KCNH5: variants seen among roughly 807,000 people sequenced by gnomAD.
The protein encoded by KCNH5 is voltage-gated delayed rectifier potassium channel KCNH5.
In KCNH5, 46 loss-of-function variants were observed where a neutral mutation model predicts 96.1. That is an observed-to-expected ratio of 0.48 (90% confidence interval 0.38 to 0.61). The LOEUF is 0.61. KCNH5 is among the 20% of genes least tolerant of loss of function. The pLI, the probability that KCNH5 is intolerant of heterozygous loss-of-function variation, is 0.00. For missense variants in KCNH5, 907 were observed against 1,225.8 expected (o/e 0.74, Z 3.88); for synonymous variants, 439 against 449.8 (o/e 0.98, Z 0.30).
intron 10 of KCNH5, among the ~76,000 whole-genome samples, chr14:62,749,197 T>C (rs945701925): frequency 1.3e-5 from 2 of 152,222 alleles, no homozygotes; most frequent in African/African-American, 4.8e-5. Context: ...TTCCAACTTA[T>C]ATTCCAAAGT....
At chr14:62,988,641 G>A (rs926025167) in intron 4 of KCNH5, among the ~76,000 whole-genome samples, 2 of 151,868 alleles carry the variant, frequency 1.3e-5, no homozygotes, top group African/African-American at 4.8e-5. Context: ...AAAAAAGTTA[G>A]GTTTTGGGAA....
chr14:62,812,124 T>A (rs1886884697), intron 8 of KCNH5, among the ~76,000 whole-genome samples: 1 of 152,188 alleles, frequency 6.6e-6, no homozygotes, highest in African/African-American at 2.4e-5. Flanking sequence ...TTCGTGAAGC[T>A]CAACCAGGAA....
intron 10 of KCNH5, among the ~76,000 whole-genome samples, chr14:62,732,926 A>C (rs1311270267): frequency 6.7e-6 from 1 of 150,082 alleles, no homozygotes; most frequent in South Asian, 2.1e-4. Flanking sequence ...CCTCTCTTCT[A>C]TTCTCTCTCA....
chr14:62,909,495 T>C (rs1889108370), intron 7 of KCNH5, among the ~76,000 whole-genome samples: 1 of 152,206 alleles, frequency 6.6e-6, no homozygotes, highest in Non-Finnish European at 1.5e-5. Context: ...AGAAACATCA[T>C]GATCAGGTTG....
chr14:62,981,398 C>A, intron 5 of KCNH5, 134 bp from the exon 6 acceptor site: 1 of 839,038 alleles, frequency 1.2e-6, no homozygotes, highest in Non-Finnish European at 1.8e-6. Context: ...CTGAGTTGTC[C>A]TAAAATTTGT....
chr14:62,719,176 A>G (rs1008381025), intron 10 of KCNH5, among the ~76,000 whole-genome samples: 1 of 152,256 alleles, frequency 6.6e-6, no homozygotes, highest in Non-Finnish European at 1.5e-5. Context: ...GCTAAATTGT[A>G]TACTTAAAAT....
chr14:62,958,413 C>T (rs1402952520), intron 6 of KCNH5, among the ~76,000 whole-genome samples: 3 of 152,118 alleles, frequency 2.0e-5, no homozygotes, highest in African/African-American at 7.2e-5. Flanking sequence ...CTTTCTACTT[C>T]TCCTCAGACA....
At chr14:62,988,073 C>A (rs961210684) in intron 4 of KCNH5, among the ~76,000 whole-genome samples, 20 of 151,958 alleles carry the variant, frequency 1.3e-4, no homozygotes, top group African/African-American at 4.3e-4. Context: ...GAAAGAAATG[C>A]AATTTAATGG....
intron 7 of KCNH5, among the ~76,000 whole-genome samples, chr14:62,868,139 TATGCCTGGAAGGCACTTTATCTG>T (rs1318248951): frequency 6.6e-6 from 1 of 152,230 alleles, no homozygotes; most frequent in East Asian, 1.9e-4. Flanking sequence ...CCTGACCCTC[TATGCCTGGAAGGCACTTTATCTG>T]ATGTCATGTG....
intron 7 of KCNH5, among the ~76,000 whole-genome samples, chr14:62,943,660 G>A (rs1012248331): frequency 6.6e-5 from 10 of 152,096 alleles, no homozygotes; most frequent in African/African-American, 2.4e-4. Context: ...CTTTGGTAGT[G>A]AATTTTGTGA....
At chr14:62,871,533 T>C (rs1266346603) in intron 7 of KCNH5, among the ~76,000 whole-genome samples, 1 of 152,226 alleles carries the variant, frequency 6.6e-6, no homozygotes, top group East Asian at 1.9e-4. Flanking sequence ...ATTTACAGTT[T>C]CATTTAGAGA....
At chr14:62,903,335 G>A (rs1347414842) in intron 7 of KCNH5, among the ~76,000 whole-genome samples, 1 of 152,120 alleles carries the variant, frequency 6.6e-6, no homozygotes, top group Non-Finnish European at 1.5e-5. Context: ...ATCTCAGGGT[G>A]AAAATATGTC....
intron 7 of KCNH5, among the ~76,000 whole-genome samples, chr14:62,889,323 T>C (rs1284640902): frequency 6.6e-6 from 1 of 152,054 alleles, no homozygotes; most frequent in Non-Finnish European, 1.5e-5. Context: ...ACAAAAGGAA[T>C]GAAAACCTCC....
At chr14:62,918,266 T>G (rs1429322102) in intron 7 of KCNH5, among the ~76,000 whole-genome samples, 5 of 152,126 alleles carry the variant, frequency 3.3e-5, no homozygotes, top group Admixed American at 6.5e-5. Flanking sequence ...CTGGGTCCCA[T>G]TAAAAAGAAG....
chr14:62,848,517 A>G (rs1340742156), intron 8 of KCNH5, among the ~76,000 whole-genome samples: 2 of 152,062 alleles, frequency 1.3e-5, no homozygotes, highest in Non-Finnish European at 2.9e-5. Flanking sequence ...GCCCCCAAGT[A>G]TCTCACCTGC....
intron 7 of KCNH5, among the ~76,000 whole-genome samples, chr14:62,897,583 T>TGTTTGACCCTACC: frequency 6.6e-6 from 1 of 152,104 alleles, no homozygotes; most frequent in Non-Finnish European, 1.5e-5. Flanking sequence ...TTGTCTTAGC[T>TGTTTGACCCTACC]CTACCATGGC....
chr14:62,921,494 G>T (rs1889380355), intron 7 of KCNH5, among the ~76,000 whole-genome samples: 1 of 152,090 alleles, frequency 6.6e-6, no homozygotes. Context: ...CCTAGAAATT[G>T]AATGTGATGG....
chr14:62,906,108 A>G (rs1889021579), intron 7 of KCNH5, among the ~76,000 whole-genome samples: 1 of 152,246 alleles, frequency 6.6e-6, no homozygotes, highest in Non-Finnish European at 1.5e-5. Flanking sequence ...TATCTAGACC[A>G]CAATCACTGT....
intron 8 of KCNH5, among the ~76,000 whole-genome samples, chr14:62,815,613 A>G (rs1278905641): frequency 6.6e-6 from 1 of 152,120 alleles, no homozygotes; most frequent in Non-Finnish European, 1.5e-5. Context: ...CCTTAAATAT[A>G]TGCAATTTTT....
Sources: gnomAD v4.1 joint callset for allele counts (sites outside exome capture counted in the v4.1 genomes callset) on GRCh38, gnomAD v4.1.1 for gene constraint, MANE v1.5 for transcripts, NCBI Gene and HGNC (gene_info 2026-07-23, HGNC 2026-07-21) for gene names.